CDKL3: variants seen among roughly 807,000 people sequenced by gnomAD.
The protein encoded by CDKL3 is cyclin dependent kinase like 3.
CDKL3 carries 65 observed loss-of-function variants against 69.3 expected under a neutral mutation model. The ratio of observed to expected loss-of-function variants is 0.94; its 90% CI spans 0.77 to 1.15. The LOEUF (loss-of-function observed/expected upper bound fraction) is 1.15. Among genes scored for constraint, CDKL3 ranks in the 50% most tolerant of loss-of-function variants. The probability of loss-of-function intolerance (pLI) is 0.00; values close to 1 mark genes in which losing one functional copy is unlikely to be tolerated. For synonymous variants in CDKL3, 202 were observed against 221.6 expected (o/e 0.91, Z 0.79); for missense variants, 652 against 689.2 (o/e 0.95, Z 0.61).
At chr5:134,319,201 G>GT (rs1772046433) in intron 6 of CDKL3, 157 bp downstream of exon 6, 1 of 489,848 alleles carries the variant, frequency 2.0e-6, no homozygotes, top group Non-Finnish European at 3.4e-6. Context: ...CATGGTGGCA[G>GT]GTGCCTGTAA....
At chr5:134,350,118 G>A in intron 4 of CDKL3, 131 bp downstream of exon 4, 1 of 600,790 alleles carries the variant, frequency 1.7e-6, no homozygotes, top group South Asian at 2.8e-5. Flanking sequence ...AACCTGGGAG[G>A]TGGAGGTTGC....
chr5:134,350,407 T>C lies in CDKL3; in HGVS notation c.381A>G (p.Lys127=), dbSNP rs890113343. The C allele has an allele frequency of 1.3e-6, 2 of 1,561,132 alleles. No individual in the cohort carries two copies. The highest frequency in any genetic ancestry group is 1.7e-6 in the Non-Finnish European group (2 of 1,151,534). The part of the protein sequence containing the change: ...HSNNIIHRDI[K]PENILVSQSG... ...ACTGGGATACTAAAATATTCTCAGG[T>C]TTTATATCTCGATGAATGATCTAAA... Residue 127 remains lysine, a synonymous_variant, in exon 4 of 13, where the codon AAA becomes AAG. Transcript: ENST00000265334.
upstream of CDKL3, among the ~76,000 whole-genome samples, chr5:134,370,266 A>G (rs1247584503): frequency 1.2e-4 from 18 of 152,216 alleles, no homozygotes; most frequent in Admixed American, 1.2e-3. Context: ...TCCTGAAGGT[A>G]GGAATTGGAA....
intron 4 of CDKL3, among the ~76,000 whole-genome samples, chr5:134,340,662 A>C (rs1482860084): frequency 6.6e-6 from 1 of 152,174 alleles, no homozygotes; most frequent in East Asian, 1.9e-4. Context: ...TGGCTCAATA[A>C]AAAATAGACA....
chr5:134,316,639 G>A (rs1005168900), intron 6 of CDKL3, among the ~76,000 whole-genome samples: 20 of 151,904 alleles, frequency 1.3e-4, no homozygotes, highest in Non-Finnish European at 1.9e-4. Flanking sequence ...TACCAATAGC[G>A]GGGGGAAAAT....
intron 4 of CDKL3, among the ~76,000 whole-genome samples, chr5:134,326,290 C>A (rs887834400): frequency 6.6e-6 from 1 of 152,048 alleles, no homozygotes; most frequent in Non-Finnish European, 1.5e-5. Context: ...AGAAGACAGA[C>A]CACGTCTAGT....
intron 3 of CDKL3, among the ~76,000 whole-genome samples, chr5:134,358,619 A>T (rs951989541): frequency 6.7e-6 from 1 of 149,636 alleles, no homozygotes; most frequent in Non-Finnish European, 1.5e-5. Context: ...TATTTATTTT[A>T]TTTACTTACT....
At chr5:134,324,907 G>A (rs1319840213) in intron 4 of CDKL3, among the ~76,000 whole-genome samples, 1 of 152,212 alleles carries the variant, frequency 6.6e-6, no homozygotes, top group Non-Finnish European at 1.5e-5. Context: ...CAAGATGTTA[G>A]TAATAGAGAA....
At chr5:134,305,107 CTTATTATTATTA>C (rs371619293) in intron 10 of CDKL3, among the ~76,000 whole-genome samples, 11 of 149,926 alleles carry the variant, frequency 7.3e-5, no homozygotes, top group African/African-American at 2.7e-4. Context: ...TGCATCTGGC[CTTATTATTATTA>C]TTATTATTAT....
chr5:134,323,771 T>C (rs577279357), intron 4 of CDKL3, among the ~76,000 whole-genome samples: 43 of 152,154 alleles, frequency 2.8e-4, no homozygotes, highest in African/African-American at 8.9e-4. Context: ...GACAATCACA[T>C]AGGAAAAAAT....
At chr5:134,358,539 CTT>C (rs1486892563) in intron 3 of CDKL3, among the ~76,000 whole-genome samples, 7 of 149,898 alleles carry the variant, frequency 4.7e-5, no homozygotes, top group Non-Finnish European at 7.4e-5. Flanking sequence ...CCTTTTTTTT[CTT>C]TTCTTTCCTT....
At chr5:134,291,420 G>A (rs1416816484) in intron 8 of CDKL3, among the ~76,000 whole-genome samples, 4 of 152,116 alleles carry the variant, frequency 2.6e-5, no homozygotes, top group African/African-American at 7.2e-5. Flanking sequence ...TGTGAACTAC[G>A]AAACATCATA....
chr5:134,315,066 G>A (rs1770643787), intron 6 of CDKL3, among the ~76,000 whole-genome samples: 1 of 152,062 alleles, frequency 6.6e-6, no homozygotes. Flanking sequence ...ATATCAAAGT[G>A]TATTTTAAAG....
intron 11 of CDKL3, among the ~76,000 whole-genome samples, chr5:134,303,745 G>T (rs1217322808): frequency 6.6e-6 from 1 of 151,886 alleles, no homozygotes; most frequent in Non-Finnish European, 1.5e-5. Flanking sequence ...AGCTACTCAG[G>T]AGGCTAGGCA....
At chr5:134,358,297 T>C (rs1427730335) in intron 3 of CDKL3, among the ~76,000 whole-genome samples, 1 of 152,188 alleles carries the variant, frequency 6.6e-6, no homozygotes, top group African/African-American at 2.4e-5. Context: ...TTCACAATGG[T>C]ACCCCACCTG....
In CDKL3 at chr5:134,362,196, C is replaced by A. The variant is rs527367537; in HGVS notation, c.166-2105G>T. On this transcript the variant is annotated intron_variant, in intron 2 of 12. Transcript: ENST00000265334. ...CAGATATTCTCACTAATTACTCTAA[C>A]TGTAATTTATTTAATGAAATTCTAG... is the stretch of plus-strand genomic sequence containing the variant. 7.0e-4 allele frequency among the ~76,000 whole-genome samples: 107 copies of A among 152,290 alleles called. 2 individuals carry two copies. Among genetic ancestry groups the A allele is most frequent in the African/African-American group, 2.6e-3 (106 of 41,550 alleles).
At chr5:134,367,303 G>A (rs1432766264), upstream of CDKL3, 6 of 983,428 alleles carry the variant, frequency 6.1e-6, no homozygotes, top group Non-Finnish European at 6.0e-6. Flanking sequence ...GGGGAGTACA[G>A]ATTGCTGTCG....
chr5:134,369,366 T>C (rs532334018), upstream of CDKL3, among the ~76,000 whole-genome samples: 41 of 152,310 alleles, frequency 2.7e-4, no homozygotes, highest in African/African-American at 8.9e-4. Flanking sequence ...CAGGACTTCG[T>C]TGGTGGGTCA....
chr5:134,325,693 A>G (rs1385551652), intron 4 of CDKL3, among the ~76,000 whole-genome samples: 1 of 151,814 alleles, frequency 6.6e-6, no homozygotes, highest in African/African-American at 2.4e-5. Context: ...CATCTTTCTG[A>G]TGTCTAATAA....
Sources: allele counts gnomAD v4.1 joint callset (sites outside exome capture counted in the v4.1 genomes callset), GRCh38; gene constraint gnomAD v4.1.1; transcripts MANE v1.5; gene names NCBI Gene and HGNC (gene_info 2026-07-23, HGNC 2026-07-21).